The following LTBP1 variants were observed in gnomAD, a reference collection of about 807,000 sequenced individuals.
LTBP1 encodes latent-transforming growth factor beta-binding protein 1.
Under a neutral mutation model 207.6 loss-of-function variants are expected in LTBP1, and 129 were observed. The observed-to-expected ratio is 0.62, with a 90% CI of 0.54 to 0.72. LTBP1 has a LOEUF of 0.72. Ranked by LOEUF, LTBP1 falls within the 30% of genes least tolerant of loss-of-function variation. The pLI is 0.00. For synonymous variants in LTBP1, 963 were observed against 833.7 expected, an observed-to-expected ratio of 1.16 and a Z score of -2.67; for missense variants, 2,281 against 2,217.2, an observed-to-expected ratio of 1.03 and a Z score of -0.58.
chr2:33,107,481 C>G (rs951002524), intron 3 of LTBP1, among the ~76,000 whole-genome samples: 2 of 151,622 alleles, frequency 1.3e-5, no homozygotes, highest in African/African-American at 4.8e-5. Flanking sequence ...AGAAGGGATG[C>G]TGGAGCAGAG....
At chr2:33,044,941 C>T (rs968018413) in intron 3 of LTBP1, among the ~76,000 whole-genome samples, 2 of 151,922 alleles carry the variant, frequency 1.3e-5, no homozygotes, top group African/African-American at 4.8e-5. Context: ...ATCCTTTGCC[C>T]ACTTTTTGAT....
At chr2:33,158,117 C>T (rs1199365458) in intron 5 of LTBP1, among the ~76,000 whole-genome samples, 1 of 73,728 alleles carries the variant, frequency 1.4e-5, no homozygotes, top group African/African-American at 5.6e-5. Context: ...GCCTGGGCAA[C>T]AAGAGTGAAA....
chr2:33,104,704 C>T (rs1311342521), intron 3 of LTBP1, among the ~76,000 whole-genome samples: 1 of 152,156 alleles, frequency 6.6e-6, no homozygotes, highest in Non-Finnish European at 1.5e-5. Context: ...TTTCCTGAAA[C>T]ATTTTTGCAT....
chr2:33,297,211 AT>A (rs1329661738), intron 20 of LTBP1, among the ~76,000 whole-genome samples: 1 of 152,084 alleles, frequency 6.6e-6, no homozygotes, highest in East Asian at 1.9e-4. Context: ...CTCTACTCCG[AT>A]TCTAATGGCG....
intron 9 of LTBP1, among the ~76,000 whole-genome samples, chr2:33,237,934 A>G (rs2092126018): frequency 6.6e-6 from 1 of 152,224 alleles, no homozygotes; most frequent in Non-Finnish European, 1.5e-5. Context: ...CTGAAGATCT[A>G]TAGATTAGTT....
Position 33,360,724 on chromosome 2 carries a change from A to T in LTBP1, c.4128A>T (p.Ser1376=), listed in dbSNP as rs538992561. 6.2e-7 allele frequency: 1 copy of T among 1,614,054 alleles called. No individual in the cohort carries two copies. Among genetic ancestry groups the T allele is most frequent in the Admixed American group, 1.7e-5 (1 of 60,024 alleles). The change falls in exon 27 of 34, where the codon TCA becomes TCT. Residue 1376 remains serine (S), a synonymous_variant. Transcript: ENST00000404816. ...CGAAACAAGAATGCTGCTGTACATC[A>T]GGCGTGGGATGGGGAGATAACTGCG... ...NVTKQECCCT[S]GVGWGDNCEI...
chr2:33,133,252 T>C (rs1254359396), intron 4 of LTBP1, among the ~76,000 whole-genome samples: 2 of 152,186 alleles, frequency 1.3e-5, no homozygotes, highest in Non-Finnish European at 2.9e-5. Flanking sequence ...CATCTTGGGA[T>C]GATTTTCTGA....
intron 5 of LTBP1, among the ~76,000 whole-genome samples, chr2:33,169,106 C>T (rs1352905384): frequency 6.6e-6 from 1 of 152,158 alleles, no homozygotes; most frequent in African/African-American, 2.4e-5. Flanking sequence ...AAACATTGTC[C>T]ACCCAGAATT....
chr2:33,064,925 T>A (rs1301263857), intron 3 of LTBP1, among the ~76,000 whole-genome samples: 1 of 152,230 alleles, frequency 6.6e-6, no homozygotes, highest in Non-Finnish European at 1.5e-5. Context: ...TAGCCAGGAC[T>A]GCTAGTGTAA....
chr2:33,285,609 C>T (rs369778557), intron 19 of LTBP1, among the ~76,000 whole-genome samples: 19 of 149,752 alleles, frequency 1.3e-4, no homozygotes, highest in East Asian at 2.0e-4. Context: ...CCATTATGCC[C>T]GGCTAATTTT....
intron 23 of LTBP1, among the ~76,000 whole-genome samples, chr2:33,311,970 A>AG (rs1461564597): frequency 6.6e-6 from 1 of 152,220 alleles, no homozygotes; most frequent in Non-Finnish European, 1.5e-5. Flanking sequence ...TTTCTGAAGT[A>AG]GGTCTTAGTA....
chr2:33,221,277 T>C (rs1472130587), intron 8 of LTBP1, among the ~76,000 whole-genome samples: 1 of 152,164 alleles, frequency 6.6e-6, no homozygotes, highest in African/African-American at 2.4e-5. Flanking sequence ...ATTACCCTCA[T>C]TGTATAGAAT....
chr2:33,252,649 A>G (rs1161185587), intron 10 of LTBP1, 28 bp from the exon 11 acceptor site: 1 of 1,579,982 alleles, frequency 6.3e-7, no homozygotes, highest in South Asian at 1.1e-5. Flanking sequence ...TTTCTCATGT[A>G]ATGTCGGGCT....
chr2:32,972,117 G>GTT (rs367726622), intron 2 of LTBP1, among the ~76,000 whole-genome samples: 16,340 of 124,168 alleles, frequency 0.13, 1,075 homozygotes, highest in Non-Finnish European at 0.18. Context: ...TGAGTTTTTT[G>GTT]TTTTTTTTTT....
intron 3 of LTBP1, among the ~76,000 whole-genome samples, chr2:33,105,531 G>A (rs988482939): frequency 5.3e-5 from 8 of 151,828 alleles, no homozygotes; most frequent in Admixed American, 4.6e-4. Flanking sequence ...CCACCTCCTG[G>A]GTTGAAGTGA....
intron 13 of LTBP1, 31 bp downstream of exon 13, chr2:33,259,641 T>A (rs776703330): frequency 1.0e-5 from 16 of 1,590,296 alleles, no homozygotes; most frequent in Non-Finnish European, 1.3e-5. Context: ...AAGTCTTTTT[T>A]TTTCAACGCT....
At chr2:33,083,243 C>A (rs546963492) in intron 3 of LTBP1, among the ~76,000 whole-genome samples, 1 of 151,966 alleles carries the variant, frequency 6.6e-6, no homozygotes, top group Non-Finnish European at 1.5e-5. Flanking sequence ...CTGCTGCTTT[C>A]AGGTCATACC....
intron 24 of LTBP1, among the ~76,000 whole-genome samples, chr2:33,330,848 C>T (rs1219198493): frequency 3.3e-5 from 5 of 150,242 alleles, no homozygotes; most frequent in African/African-American, 7.3e-5. Context: ...AAGAATTCAC[C>T]GGTAAAGTCA....
At chr2:33,283,061 CAAAAA>C (rs201168175) in intron 19 of LTBP1, among the ~76,000 whole-genome samples, 8 of 49,460 alleles carry the variant, frequency 1.6e-4, no homozygotes, top group Non-Finnish European at 2.2e-4. Context: ...GACTCCATCT[CAAAAA>C]AAAAAAAAAA....
Sources: allele counts gnomAD v4.1 joint callset (sites outside exome capture counted in the v4.1 genomes callset), GRCh38; gene constraint gnomAD v4.1.1; transcripts MANE v1.5; gene names NCBI Gene and HGNC (gene_info 2026-07-23, HGNC 2026-07-21).